The following TES variants were observed in gnomAD, a reference collection of about 807,000 sequenced individuals.
TES encodes the protein testin.
In TES, 41 loss-of-function variants were observed where a neutral mutation model predicts 48.2. That is an observed-to-expected ratio of 0.85 (90% CI 0.66 to 1.10). The LOEUF (loss-of-function observed/expected upper bound fraction) is 1.10. TES is among the 50% of genes least tolerant of loss of function. The pLI is 0.00. For missense variants in TES, 463 were observed against 515.1 expected (o/e 0.90, Z 0.98); for synonymous variants, 162 against 174.9 (o/e 0.93, Z 0.58).
intron 1 of TES, among the ~76,000 whole-genome samples, chr7:116,234,196 G>A (rs1039816076): frequency 6.6e-6 from 1 of 152,214 alleles, no homozygotes; most frequent in Non-Finnish European, 1.5e-5. Flanking sequence ...AGTTTTCTGA[G>A]TGTTGTACCT....
chr7:116,231,204 A>ATCTC (rs1208230556), intron 1 of TES, among the ~76,000 whole-genome samples: 1 of 152,188 alleles, frequency 6.6e-6, no homozygotes, highest in African/African-American at 2.4e-5. Flanking sequence ...TATTTTCCTG[A>ATCTC]TCTCTTACAT....
intron 3 of TES, 23 bp downstream of exon 3, chr7:116,249,295 T>C (rs757896776): frequency 1.9e-6 from 3 of 1,613,102 alleles, no homozygotes; most frequent in African/African-American, 2.7e-5. Context: ...GAACAGAGAG[T>C]TTCTTTATTG....
chr7:116,238,300 C>T (rs1230709071), intron 2 of TES: 9 of 152,010 alleles, frequency 5.9e-5, no homozygotes, highest in Admixed American at 3.9e-4. Flanking sequence ...TGGAAGATGC[C>T]GGATCAAGGT....
In TES at chr7:116,210,703, T is replaced by G. The variant is rs912541958; in HGVS notation, c.-5T>G. 1.6e-6 allele frequency: 2 copies of G among 1,274,384 alleles called. No individual in the cohort carries two copies. The highest frequency in any genetic ancestry group is 7.9e-5 in the Admixed American group (2 of 25,412). 78.9% of individuals were successfully genotyped at this position (1,274,384 alleles called of 1,614,324 possible). On this transcript the variant is annotated 5_prime_UTR_variant, in exon 1 of 7. Transcript: ENST00000358204. ...AGGAGGAGGGGACCCATAGGACGCG[T>G]TAACATGGACCTGGAAAACAAAGTG...
intron 2 of TES, among the ~76,000 whole-genome samples, chr7:116,248,786 G>T (rs1799961368): frequency 6.6e-6 from 1 of 151,816 alleles, no homozygotes; most frequent in South Asian, 2.1e-4. Context: ...AGTTTAATTG[G>T]GTCCCTCTTT....
rs1285322691 is a variant in TES, at chr7:116,252,816, T to C, written c.1077+340T>C. 1.2e-5 allele frequency: 4 copies of C among 328,644 alleles called. No individual in the cohort carries two copies. The East Asian group carries it at 2.3e-4, about 19-fold the overall frequency. The allele number at this position is 328,644 out of a possible 1,614,324, so 20.4% of individuals were successfully genotyped here. A position where few individuals can be genotyped will look rare whatever the true frequency, so the allele number is the denominator to read the frequency against. On this transcript the variant is annotated intron_variant, in intron 6 of 6. Transcript: ENST00000358204. ...TTTCAATAAAGGTGTCTAGGGGCTA[T>C]TGATATTCTTTAGCTCTATTTGAAT...
At chr7:116,233,801 G>A (rs1293405185) in intron 1 of TES, among the ~76,000 whole-genome samples, 2 of 152,162 alleles carry the variant, frequency 1.3e-5, no homozygotes, top group African/African-American at 4.8e-5. Context: ...AGTGTCTAGT[G>A]TGGGCTTGCT....
At chr7:116,228,874 G>A (rs1235581551) in intron 1 of TES, among the ~76,000 whole-genome samples, 1 of 151,452 alleles carries the variant, frequency 6.6e-6, no homozygotes, top group Non-Finnish European at 1.5e-5. Flanking sequence ...AAAGAAGAAA[G>A]ATCACTTTCA....
chr7:116,238,526 C>CA (rs1196164928), intron 2 of TES, among the ~76,000 whole-genome samples: 1 of 151,900 alleles, frequency 6.6e-6, no homozygotes, highest in African/African-American at 2.4e-5. Context: ...TCTACTGCTG[C>CA]ATAACAAATT....
intron 2 of TES, among the ~76,000 whole-genome samples, chr7:116,247,044 T>A (rs1328809528): frequency 6.6e-6 from 1 of 151,636 alleles, no homozygotes; most frequent in African/African-American, 2.4e-5. Flanking sequence ...AATGAATGTC[T>A]GTGTGCCAGA....
intron 1 of TES, among the ~76,000 whole-genome samples, chr7:116,233,228 T>G (rs142502690): frequency 6.6e-6 from 1 of 152,230 alleles, no homozygotes; most frequent in Non-Finnish European, 1.5e-5. Flanking sequence ...GGTTTGCCAC[T>G]GTACTGATGT....
chr7:116,213,940 C>A (rs1799466009), intron 1 of TES, among the ~76,000 whole-genome samples: 1 of 152,046 alleles, frequency 6.6e-6, no homozygotes, highest in South Asian at 2.1e-4. Context: ...CAGCTGTTTT[C>A]CTCTTTCCTT....
chr7:116,217,308 GT>G (rs1799505289), intron 1 of TES, among the ~76,000 whole-genome samples: 1 of 152,120 alleles, frequency 6.6e-6, no homozygotes, highest in Non-Finnish European at 1.5e-5. Flanking sequence ...CAGCTTTTAT[GT>G]ATTAGAATGT....
Position 116,210,661 on chromosome 7 carries a change from G to A in TES, c.-47G>A. On this transcript the variant is annotated 5_prime_UTR_variant, in exon 1 of 7. In the 5' UTR this introduces an upstream ATG that the reference lacks. Coordinates refer to ENST00000358204, the MANE Select transcript of TES (RefSeq NM_015641.4). Reference sequence around the variant, plus strand: ...AGCCGGAGGCCAGCTGAACCCGGCCGTGGGATCCCGGATAGGAGGAGGAGG... The same window carrying A: ...AGCCGGAGGCCAGCTGAACCCGGCCATGGGATCCCGGATAGGAGGAGGAGG... The A allele has an allele frequency of 7.7e-7, 1 of 1,301,460 alleles. No homozygotes were observed. The highest frequency in any genetic ancestry group is 9.9e-7 in the Non-Finnish European group (1 of 1,013,886). 80.6% of individuals were successfully genotyped at this position (1,301,460 alleles called of 1,614,324 possible).
intron 1 of TES, among the ~76,000 whole-genome samples, chr7:116,233,048 G>C (rs1253210100): frequency 1.3e-5 from 2 of 152,196 alleles, no homozygotes; most frequent in Non-Finnish European, 2.9e-5. Flanking sequence ...GTTACAATGT[G>C]GTTTTGATTG....
chr7:116,245,470 A>G (rs1263077613), intron 2 of TES, among the ~76,000 whole-genome samples: 1 of 152,130 alleles, frequency 6.6e-6, no homozygotes, highest in African/African-American at 2.4e-5. Flanking sequence ...TTCATTGTCC[A>G]TATCACTATC....
chr7:116,254,392 A>G (rs1800063412), intron 6 of TES, among the ~76,000 whole-genome samples: 1 of 152,124 alleles, frequency 6.6e-6, no homozygotes, highest in Non-Finnish European at 1.5e-5. Context: ...ATAACCACAG[A>G]TATGATTTGT....
At chr7:116,211,482 T>TCC (rs1799438611) in intron 1 of TES, 1 of 152,236 alleles carries the variant, frequency 6.6e-6, no homozygotes, top group Non-Finnish European at 1.5e-5. Context: ...CCTGAGCCAC[T>TCC]CCCGGGTTAT....
chr7:116,237,843 GGT>G (rs56297740), intron 2 of TES: 2 of 151,052 alleles, frequency 1.3e-5, no homozygotes, highest in East Asian at 3.9e-4. Flanking sequence ...GGTGTGTGTG[GGT>G]GTGTGTGTGT....
Sources: allele counts gnomAD v4.1 joint callset (sites outside exome capture counted in the v4.1 genomes callset), GRCh38; gene constraint gnomAD v4.1.1; transcripts MANE v1.5; gene names NCBI Gene and HGNC (gene_info 2026-07-23, HGNC 2026-07-21).